Variants in PTPRG observed in about 807,000 individuals in gnomAD.
PTPRG encodes protein tyrosine phosphatase receptor type G.
A neutral mutation model predicts 165.3 loss-of-function variants in PTPRG; 102 were observed. The ratio of observed to expected loss-of-function variants is 0.62; its 90% CI spans 0.53 to 0.73. PTPRG has a LOEUF of 0.73. PTPRG is among the 30% of genes least tolerant of loss of function. The probability of loss-of-function intolerance (pLI) is 0.00; values close to 1 mark genes in which losing one functional copy is unlikely to be tolerated. For missense variants in PTPRG, 1,866 were observed against 1,861.4 expected, an observed-to-expected ratio of 1.00 and a Z score of -0.05; for synonymous variants, 675 against 669.5, an observed-to-expected ratio of 1.01 and a Z score of -0.13.
At chr3:61,811,308 C>A (rs1238712359) in intron 2 of PTPRG, among the ~76,000 whole-genome samples, 1 of 152,190 alleles carries the variant, frequency 6.6e-6, no homozygotes, top group Non-Finnish European at 1.5e-5. Context: ...CTGGCCCCAA[C>A]CTGTTGCTTA....
intron 2 of PTPRG, among the ~76,000 whole-genome samples, chr3:61,868,670 TCTGTGTAA>T (rs2037477451): frequency 6.6e-6 from 1 of 152,286 alleles, no homozygotes; most frequent in Admixed American, 6.5e-5. Context: ...TACAGAAAAT[TCTGTGTAA>T]TGGGACAGTT....
In PTPRG at chr3:62,014,462, A is replaced by G. The variant is rs78258313; in HGVS notation, c.519+10965A>G. Among the ~76,000 whole-genome samples, 294 of 152,358 alleles carry G rather than the reference A, an allele frequency of 1.9e-3. 1 individual carries two copies. The highest frequency in any genetic ancestry group is 3.2e-3 in the Non-Finnish European group (215 of 68,030). On this transcript the variant is annotated intron_variant, in intron 4 of 29. Transcript: ENST00000474889. ...CTTTAAAACTCAGGTTAGTATGTGG[A>G]AGATATTTAGGTTAATAGTAAAATA...
chr3:61,729,981 C>T (rs1489785740), intron 1 of PTPRG, among the ~76,000 whole-genome samples: 1 of 152,110 alleles, frequency 6.6e-6, no homozygotes, highest in Admixed American at 6.5e-5. Flanking sequence ...AAGATTGTTG[C>T]CCATAACGTG....
intron 4 of PTPRG, among the ~76,000 whole-genome samples, chr3:62,061,964 T>C (rs1403325014): frequency 6.6e-6 from 1 of 151,920 alleles, no homozygotes; most frequent in Admixed American, 6.5e-5. Context: ...GTTGCTGCTT[T>C]TACAATGGCT....
intron 4 of PTPRG, among the ~76,000 whole-genome samples, chr3:62,060,667 T>C (rs1700779161): frequency 6.6e-6 from 1 of 152,250 alleles, no homozygotes; most frequent in Admixed American, 6.5e-5. Context: ...TTGTATTTCT[T>C]GTTTCAAATA....
intron 1 of PTPRG, among the ~76,000 whole-genome samples, chr3:61,605,644 C>CA (rs1700983737): frequency 6.6e-6 from 1 of 152,098 alleles, no homozygotes; most frequent in African/African-American, 2.4e-5. Context: ...TCATAGCTTA[C>CA]TGCTGCCTTG....
chr3:61,809,984 C>T (rs1161758876), intron 2 of PTPRG, among the ~76,000 whole-genome samples: 1 of 152,194 alleles, frequency 6.6e-6, no homozygotes, highest in Admixed American at 6.5e-5. Context: ...GAATTGTGGC[C>T]ATGCCCACCT....
intron 7 of PTPRG, among the ~76,000 whole-genome samples, chr3:62,162,499 G>A (rs191072049): frequency 6.6e-6 from 1 of 152,212 alleles, no homozygotes; most frequent in Non-Finnish European, 1.5e-5. Flanking sequence ...TTACCCTGCT[G>A]TGGCAAAGGA....
chr3:61,574,063 A>G (rs764835619), intron 1 of PTPRG, among the ~76,000 whole-genome samples: 1 of 152,022 alleles, frequency 6.6e-6, no homozygotes, highest in Non-Finnish European at 1.5e-5. Flanking sequence ...GAATAATTTA[A>G]GCTAAATTCT....
chr3:61,901,570 C>T (rs2038499436), intron 2 of PTPRG, among the ~76,000 whole-genome samples: 1 of 152,162 alleles, frequency 6.6e-6, no homozygotes, highest in Non-Finnish European at 1.5e-5. Flanking sequence ...GATGTATATG[C>T]TTCCCAATTT....
chr3:61,802,427 C>CTGTTAGATA (rs2035278419), intron 2 of PTPRG, among the ~76,000 whole-genome samples: 1 of 152,062 alleles, frequency 6.6e-6, no homozygotes, highest in Non-Finnish European at 1.5e-5. Flanking sequence ...GATTCTGGCC[C>CTGTTAGATA]TGTTAGATAT....
At chr3:62,027,302 A>G (rs1283215530) in intron 4 of PTPRG, among the ~76,000 whole-genome samples, 5 of 152,126 alleles carry the variant, frequency 3.3e-5, no homozygotes, top group Admixed American at 2.0e-4. Context: ...GTCCCACCCA[A>G]TGCCGTGTCT....
chr3:62,281,249 G>C (rs1024723441), intron 26 of PTPRG, among the ~76,000 whole-genome samples: 9 of 152,104 alleles, frequency 5.9e-5, no homozygotes, highest in Middle Eastern at 6.8e-3. Context: ...AACTGACCTA[G>C]ATCCTGCTTT....
At chr3:62,031,787 G>C (rs1699777493) in intron 4 of PTPRG, among the ~76,000 whole-genome samples, 2 of 152,178 alleles carry the variant, frequency 1.3e-5, no homozygotes, top group African/African-American at 2.4e-5. Context: ...GTTAGTTATG[G>C]AGAGAAGATA....
intron 1 of PTPRG, among the ~76,000 whole-genome samples, chr3:61,674,902 A>C (rs112452025): frequency 2.6e-4 from 39 of 152,358 alleles, no homozygotes; most frequent in African/African-American, 8.7e-4. Flanking sequence ...ATTTAAAAAC[A>C]GCTGGGTGAA....
At chr3:62,090,536 C>G (rs375234160) in intron 5 of PTPRG, among the ~76,000 whole-genome samples, 1 of 152,142 alleles carries the variant, frequency 6.6e-6, no homozygotes, top group Non-Finnish European at 1.5e-5. Context: ...TGGTTTCTCT[C>G]TATTTTGAAT....
chr3:61,843,174 C>A (rs1172873186), intron 2 of PTPRG, among the ~76,000 whole-genome samples: 1 of 152,062 alleles, frequency 6.6e-6, no homozygotes, highest in Non-Finnish European at 1.5e-5. Context: ...CACAATCCCA[C>A]CAATATTTGA....
intron 2 of PTPRG, among the ~76,000 whole-genome samples, chr3:61,873,645 T>G (rs544527091): frequency 1.5e-4 from 23 of 152,290 alleles, no homozygotes; most frequent in Non-Finnish European, 2.4e-4. Flanking sequence ...GAAAATAAAT[T>G]GGTAATGTGT....
intron 2 of PTPRG, among the ~76,000 whole-genome samples, chr3:61,761,196 A>G (rs150697033): frequency 1.3e-5 from 2 of 152,272 alleles, no homozygotes; most frequent in African/African-American, 4.8e-5. Context: ...ACAATGATTG[A>G]ACTAATTTAA....
Sources: gnomAD v4.1 joint callset for allele counts (sites outside exome capture counted in the v4.1 genomes callset) on GRCh38, gnomAD v4.1.1 for gene constraint, MANE v1.5 for transcripts, NCBI Gene and HGNC (gene_info 2026-07-23, HGNC 2026-07-21) for gene names.